PFKFB1: variants seen among roughly 807,000 people sequenced by gnomAD.
PFKFB1 encodes 6-phosphofructo-2-kinase/fructose-2,6-bisphosphatase 1.
PFKFB1 carries 34 observed loss-of-function variants against 46.4 expected under a neutral mutation model. The observed-to-expected ratio is 0.73, with a 90% CI of 0.56 to 0.98. PFKFB1 has a LOEUF of 0.98. Among genes scored for constraint, PFKFB1 ranks in the 50% least tolerant of loss-of-function variants. PFKFB1 has a pLI of 0.00. For synonymous variants in PFKFB1, 119 were observed against 133.8 expected (o/e 0.89, Z 0.76); for missense variants, 393 against 376.3 (o/e 1.04, Z -0.37).
intron 10 of PFKFB1, among the ~76,000 whole-genome samples, chrX:54,939,879 C>T (rs6611393): frequency 0.047 from 5,236 of 111,861 alleles, 322 homozygotes; most frequent in African/African-American, 0.16. Flanking sequence ...GGGAATCCTT[C>T]TTAACTCATT....
chrX:54,940,144 A>T (rs1466138163), intron 10 of PFKFB1, among the ~76,000 whole-genome samples: 1 of 112,229 alleles, frequency 8.9e-6, no homozygotes, highest in Non-Finnish European at 1.9e-5. Flanking sequence ...CAAAAACCAC[A>T]TGATTATCTC....
chrX:54,984,481 A>T (rs972028726), intron 1 of PFKFB1, among the ~76,000 whole-genome samples: 1 of 112,183 alleles, frequency 8.9e-6, no homozygotes, highest in Admixed American at 9.4e-5. Flanking sequence ...ACAACCTTTT[A>T]AAATCTCTGG....
intron 1 of PFKFB1, among the ~76,000 whole-genome samples, chrX:54,992,461 A>AG (rs1483997751): frequency 9.0e-6 from 1 of 111,630 alleles, no homozygotes; most frequent in Non-Finnish European, 1.9e-5. Flanking sequence ...TCACAGACAC[A>AG]GGGGGAGATA....
At chrX:54,976,580 G>C (rs1435849989) in intron 1 of PFKFB1, among the ~76,000 whole-genome samples, 4 of 111,577 alleles carry the variant, frequency 3.6e-5, no homozygotes, top group Non-Finnish European at 5.7e-5. Flanking sequence ...AAACAGTTTG[G>C]CAGTTACTTT....
chrX:54,935,747 C>A (rs1278377191), intron 11 of PFKFB1, among the ~76,000 whole-genome samples: 2 of 111,538 alleles, frequency 1.8e-5, no homozygotes, highest in African/African-American at 6.5e-5. Flanking sequence ...AATGCATGCA[C>A]TGGCCCCTAC....
At chrX:54,975,862 C>T (rs1343713043) in intron 1 of PFKFB1, among the ~76,000 whole-genome samples, 1 of 111,273 alleles carries the variant, frequency 9.0e-6, no homozygotes, top group Non-Finnish European at 1.9e-5. Flanking sequence ...AGAGTCTTTT[C>T]AACAAATGGT....
chrX:54,958,354 GA>G lies in PFKFB1; in HGVS notation c.467del (p.Phe156SerfsTer11). ...CAGGGTCATTACAAATGGACTCAAT[GA>G]AAAACACCTATAAAAGAAACAGAAA... ...FAKEHGYKVFFIESICNDPGI... is the reference protein window; with the variant it reads ...FAKEHGYKVFXIESICNDPGI... On this transcript the variant is annotated frameshift_variant, in exon 6 of 14. Coordinates refer to ENST00000375006, the MANE Select transcript of PFKFB1 (RefSeq NM_002625.4). LOFTEE classifies it high-confidence loss of function. The G allele has an allele frequency of 8.7e-7, 1 of 1,153,430 alleles. No individual in the cohort carries two copies. The highest frequency in any genetic ancestry group is 1.2e-6 in the Non-Finnish European group (1 of 843,729).
intron 10 of PFKFB1, among the ~76,000 whole-genome samples, chrX:54,941,453 G>A (rs187556014): frequency 8.0e-5 from 9 of 111,826 alleles, no homozygotes; most frequent in African/African-American, 2.3e-4. Context: ...GAGTGAACAG[G>A]CAACCTACAG....
intron 1 of PFKFB1, among the ~76,000 whole-genome samples, chrX:54,976,898 G>A: frequency 9.0e-6 from 1 of 110,969 alleles, no homozygotes. Context: ...GCTGACATGT[G>A]ATATAATTCC....
intron 10 of PFKFB1, among the ~76,000 whole-genome samples, chrX:54,939,235 T>G (rs1412424753): frequency 9.0e-6 from 1 of 110,575 alleles, no homozygotes; most frequent in African/African-American, 3.3e-5. Context: ...CTGGGACACA[T>G]TTAAAGCAGT....
chrX:54,938,142 A>G (rs911761526), intron 10 of PFKFB1, among the ~76,000 whole-genome samples: 1 of 112,237 alleles, frequency 8.9e-6, no homozygotes, highest in Admixed American at 9.5e-5. Flanking sequence ...AATCATAGTA[A>G]CTAAGAGTTT....
intron 11 of PFKFB1, among the ~76,000 whole-genome samples, chrX:54,935,853 C>G (rs1463315703): frequency 1.8e-5 from 2 of 111,694 alleles, no homozygotes; most frequent in Non-Finnish European, 3.8e-5. Context: ...TTCCTGCCCA[C>G]CTGCACATAA....
At chrX:54,972,614 G>C (rs951494676) in intron 1 of PFKFB1, among the ~76,000 whole-genome samples, 3 of 111,395 alleles carry the variant, frequency 2.7e-5, no homozygotes, top group African/African-American at 9.8e-5. Flanking sequence ...TTTTGTCTTT[G>C]GTTCTGTTTA....
At chrX:54,998,318 A>G, upstream of PFKFB1, 8 of 760,700 alleles carry the variant, frequency 1.1e-5, no homozygotes, top group Non-Finnish European at 1.6e-5. Context: ...ACAACCAACC[A>G]TCTATGCAAA....
At chrX:54,941,056 G>A (rs1307380879) in intron 10 of PFKFB1, among the ~76,000 whole-genome samples, 1 of 111,365 alleles carries the variant, frequency 9.0e-6, no homozygotes, top group Admixed American at 9.5e-5. Context: ...ATAGACCAAT[G>A]GAACAGAACA....
intron 10 of PFKFB1, among the ~76,000 whole-genome samples, chrX:54,940,972 T>C (rs945745631): frequency 8.9e-6 from 1 of 111,768 alleles, no homozygotes; most frequent in Non-Finnish European, 1.9e-5. Context: ...GGGGGCATCA[T>C]GCTACCTGAC....
intron 10 of PFKFB1, among the ~76,000 whole-genome samples, chrX:54,938,313 C>T (rs1047226383): frequency 8.9e-6 from 1 of 112,111 alleles, no homozygotes; most frequent in African/African-American, 3.2e-5. Context: ...CAAAAAGAAA[C>T]AACAAGAAAA....
At chrX:54,961,737 C>T (rs374388393) in intron 2 of PFKFB1, among the ~76,000 whole-genome samples, 2 of 111,530 alleles carry the variant, frequency 1.8e-5, no homozygotes, top group Non-Finnish European at 3.8e-5. Flanking sequence ...TATTAAGCCA[C>T]GGAAGACAGT....
At chrX:54,936,678 C>T (rs1374324014) in intron 11 of PFKFB1, among the ~76,000 whole-genome samples, 4 of 111,619 alleles carry the variant, frequency 3.6e-5, no homozygotes, top group Non-Finnish European at 7.5e-5. Flanking sequence ...GGACCCCCAC[C>T]GCACATCCTA....
Sources: gnomAD v4.1 joint callset for allele counts (sites outside exome capture counted in the v4.1 genomes callset) on GRCh38, gnomAD v4.1.1 for gene constraint, MANE v1.5 for transcripts, NCBI Gene and HGNC (gene_info 2026-07-23, HGNC 2026-07-21) for gene names.